Variants in LRRC49 observed in about 807,000 individuals in gnomAD.
LRRC49 encodes leucine-rich repeat-containing protein 49.
In LRRC49, 50 loss-of-function variants were observed where a neutral mutation model predicts 83.3. That is an observed-to-expected ratio of 0.60 (90% CI 0.48 to 0.76). The LOEUF is 0.76. LRRC49 is among the 30% of genes least tolerant of loss of function. LRRC49 has a pLI of 0.00. For missense variants in LRRC49, 704 were observed against 809.1 expected, an observed-to-expected ratio of 0.87 and a Z score of 1.58; for synonymous variants, 286 against 283.3, an observed-to-expected ratio of 1.01 and a Z score of -0.10.
At chr15:70,975,419 G>A (rs1286924879) in intron 9 of LRRC49, among the ~76,000 whole-genome samples, 1 of 152,162 alleles carries the variant, frequency 6.6e-6, no homozygotes, top group Non-Finnish European at 1.5e-5. Flanking sequence ...AGGGTTGGGC[G>A]TGGTGGCTCA....
intron 10 of LRRC49, among the ~76,000 whole-genome samples, chr15:70,981,594 TA>T (rs2037400770): frequency 1.9e-5 from 1 of 52,228 alleles, no homozygotes; most frequent in Admixed American, 2.6e-4. Flanking sequence ...GTTGCTTTTC[TA>T]TTTTTTTTAT....
chr15:70,883,194 A>C lies in LRRC49; in HGVS notation c.18+9971A>C, dbSNP rs115192350. ...CTTAAATCAAAAGCTAGAAGAGATA[A>C]TACTTTTTTTTTTTGAGATGGAGTT... On this transcript the variant is annotated intron_variant, in intron 2 of 16. Transcript: ENST00000544974. 4.8e-3 allele frequency among the ~76,000 whole-genome samples: 734 copies of C among 152,082 alleles called. 8 individuals are homozygous for C. The highest frequency in any genetic ancestry group is 0.017 in the African/African-American group (714 of 41,480).
At chr15:71,008,718 T>A in intron 12 of LRRC49, 102 bp downstream of exon 12, 1 of 760,270 alleles carries the variant, frequency 1.3e-6, no homozygotes, top group Non-Finnish European at 2.1e-6. Flanking sequence ...AGTTTCTATC[T>A]GGCAGGAAGA....
chr15:71,016,204 T>C (rs915068036), intron 14 of LRRC49, among the ~76,000 whole-genome samples: 3 of 152,232 alleles, frequency 2.0e-5, no homozygotes, highest in African/African-American at 7.2e-5. Context: ...TCTTGCTTTT[T>C]GTTCTATCTT....
chr15:70,980,522 A>G (rs79990155), intron 10 of LRRC49, among the ~76,000 whole-genome samples: 1 of 151,110 alleles, frequency 6.6e-6, no homozygotes, highest in East Asian at 1.9e-4. Flanking sequence ...TTTGGAACGT[A>G]CTGTAATTGA....
At chr15:70,853,925 C>A (rs2032567323) in intron 1 of LRRC49, 5 of 1,409,820 alleles carry the variant, frequency 3.5e-6, no homozygotes, top group Admixed American at 2.6e-5. Flanking sequence ...GCTCGCGCTG[C>A]CCCAGCCGGG....
At chr15:70,950,606 G>T (rs962569660) in intron 8 of LRRC49, among the ~76,000 whole-genome samples, 1 of 151,808 alleles carries the variant, frequency 6.6e-6, no homozygotes, top group African/African-American at 2.4e-5. Context: ...TTTATAATGG[G>T]GTTATTTGTT....
chr15:70,990,896 G>A (rs1224283706), intron 11 of LRRC49, among the ~76,000 whole-genome samples: 3 of 152,180 alleles, frequency 2.0e-5, no homozygotes, highest in Non-Finnish European at 1.5e-5. Context: ...GAGGTCTGAA[G>A]TTTAAACTTC....
At chr15:70,997,418 T>C (rs557083756) in intron 11 of LRRC49, among the ~76,000 whole-genome samples, 1 of 152,270 alleles carries the variant, frequency 6.6e-6, no homozygotes, top group South Asian at 2.1e-4. Context: ...TCTATTTGTG[T>C]CTTTTAATCC....
At chr15:71,008,089 C>T (rs1030606301) in intron 11 of LRRC49, among the ~76,000 whole-genome samples, 7 of 151,570 alleles carry the variant, frequency 4.6e-5, no homozygotes, top group South Asian at 2.1e-4. Context: ...ATGTAGTAAA[C>T]GGCTTGTTTT....
At chr15:70,970,306 C>T (rs1028777947) in intron 9 of LRRC49, among the ~76,000 whole-genome samples, 3 of 152,132 alleles carry the variant, frequency 2.0e-5, no homozygotes, top group South Asian at 2.1e-4. Context: ...GTTGAACCAG[C>T]CTTGCATCCC....
chr15:70,883,285 G>A (rs59437666), intron 2 of LRRC49, among the ~76,000 whole-genome samples: 4,484 of 151,994 alleles, frequency 0.03, 217 homozygotes, highest in African/African-American at 0.1. Flanking sequence ...TCCGCCTGCC[G>A]GGTTCAAGTG....
intron 1 of LRRC49, chr15:70,859,539 C>T (rs1300113429): frequency 3.0e-6 from 2 of 671,470 alleles, no homozygotes; most frequent in East Asian, 3.4e-5. Context: ...CGCAGCCAGG[C>T]GGAGGCTGAG....
intron 1 of LRRC49, among the ~76,000 whole-genome samples, chr15:70,860,966 TA>T (rs1346118717): frequency 6.6e-6 from 1 of 152,194 alleles, no homozygotes; most frequent in Non-Finnish European, 1.5e-5. Context: ...ACCCATTGGC[TA>T]AAGTGGCCTT....
chr15:71,020,221 T>C (rs1436548036), intron 14 of LRRC49, among the ~76,000 whole-genome samples: 1 of 152,070 alleles, frequency 6.6e-6, no homozygotes, highest in Non-Finnish European at 1.5e-5. Flanking sequence ...CTAGACACAG[T>C]TGAAAAGAGA....
rs116173316 is a variant in LRRC49, at chr15:70,895,521, G to A, written c.106-328G>A. ...AAAATTGATCCTGATTTTGTGGGTG[G>A]TAAAATACAATGATAGAGGTGCAGC... is the stretch of plus-strand genomic sequence containing the variant. On this transcript the variant is annotated intron_variant, in intron 2 of 15. Coordinates refer to ENST00000260382, the MANE Select transcript of LRRC49 (RefSeq NM_017691.5). 744 of 173,326 alleles carry A rather than the reference G, an allele frequency of 4.3e-3. 9 individuals are homozygous for A. The highest frequency in any genetic ancestry group is 0.017 in the African/African-American group (723 of 42,282). 10.7% of individuals were successfully genotyped at this position (173,326 alleles called of 1,614,324 possible). A position where few individuals can be genotyped will look rare whatever the true frequency, so the allele number is the denominator to read the frequency against.
At chr15:70,877,070 T>C (rs1229095002) in intron 2 of LRRC49, among the ~76,000 whole-genome samples, 1 of 152,196 alleles carries the variant, frequency 6.6e-6, no homozygotes, top group African/African-American at 2.4e-5. Context: ...CTTCAGTCCT[T>C]CCTGTTGGTT....
chr15:70,859,957 C>T (rs2032748120), intron 1 of LRRC49: 2 of 764,110 alleles, frequency 2.6e-6, no homozygotes, highest in South Asian at 1.3e-5. Flanking sequence ...ATACGAAGAC[C>T]ACCAGCGGCT....
chr15:70,885,609 A>C (rs2033385752), intron 2 of LRRC49, among the ~76,000 whole-genome samples: 1 of 152,230 alleles, frequency 6.6e-6, no homozygotes, highest in Non-Finnish European at 1.5e-5. Context: ...ACTAAGTTAA[A>C]GAAAGCTGGT....
Sources: gnomAD v4.1 joint callset for allele counts (sites outside exome capture counted in the v4.1 genomes callset) on GRCh38, gnomAD v4.1.1 for gene constraint, MANE v1.5 for transcripts, NCBI Gene and HGNC (gene_info 2026-07-23, HGNC 2026-07-21) for gene names.